The following ANKRD12 variants were observed in gnomAD, a reference collection of about 807,000 sequenced individuals.
ANKRD12 encodes the protein ankyrin repeat domain 12, also known as ankyrin repeat domain-containing protein 12.
In ANKRD12, 85 loss-of-function variants were observed where a neutral mutation model predicts 183.4. That is an observed-to-expected ratio of 0.46 (90% CI 0.39 to 0.56). ANKRD12 has a LOEUF of 0.56. Among genes scored for constraint, ANKRD12 ranks in the 20% least tolerant of loss-of-function variants. ANKRD12 has a pLI of 0.00. For missense variants in ANKRD12, 2,405 were observed against 2,357.1 expected, an observed-to-expected ratio of 1.02 and a Z score of -0.42; for synonymous variants, 914 against 800.2, an observed-to-expected ratio of 1.14 and a Z score of -2.40.
intron 2 of ANKRD12, among the ~76,000 whole-genome samples, chr18:9,194,900 C>G (rs2034681698): frequency 6.6e-6 from 1 of 152,140 alleles, no homozygotes; most frequent in Non-Finnish European, 1.5e-5. Flanking sequence ...CATTGCAGCA[C>G]TACTCACAGT....
chr18:9,208,240 TAAGG>T lies in ANKRD12; in HGVS notation c.305-413_305-410del, dbSNP rs577385656. 2.4e-4 allele frequency among the ~76,000 whole-genome samples: 36 copies of T among 152,306 alleles called. No homozygotes were observed. The East Asian group carries it at 6.4e-3, about 27-fold the overall frequency. ...AGTTTGTATAAATCATTGCTGGAATTAAGGAAGTAATTTGAAGGAGCATTGCTAT... is the reference window on the plus strand; with the variant it reads ...AGTTTGTATAAATCATTGCTGGAATTAAGTAATTTGAAGGAGCATTGCTAT... On this transcript the variant is annotated intron_variant, in intron 4 of 12. Transcript: ENST00000262126.
intron 1 of ANKRD12, among the ~76,000 whole-genome samples, chr18:9,140,915 A>G (rs1409756903): frequency 6.6e-6 from 1 of 152,206 alleles, no homozygotes; most frequent in Non-Finnish European, 1.5e-5. Flanking sequence ...AATTTTCATA[A>G]TAACCTTGTA....
chr18:9,193,897 G>C (rs1415057147), intron 2 of ANKRD12, among the ~76,000 whole-genome samples: 1 of 152,182 alleles, frequency 6.6e-6, no homozygotes, highest in African/African-American at 2.4e-5. Flanking sequence ...TAGATGTGCT[G>C]TATCAATTTG....
Position 9,187,418 on chromosome 18 carries a change from AT to A in ANKRD12, c.87+4908del, listed in dbSNP as rs971571321. ...ACCCTGCTGTCTCTATTCATTTTTAATTTTTTTTTAACAGTTCTCTTACGTA... is the reference window on the plus strand; with the variant it reads ...ACCCTGCTGTCTCTATTCATTTTTAATTTTTTTTAACAGTTCTCTTACGTA... On this transcript the variant is annotated intron_variant, in intron 2 of 12. Transcript: ENST00000262126. Among the ~76,000 whole-genome samples, 590 of 151,734 alleles carry A rather than the reference AT, an allele frequency of 3.9e-3. 3 individuals are homozygous for A. The highest frequency in any genetic ancestry group is 0.013 in the African/African-American group (543 of 41,360).
At chr18:9,159,743 A>G (rs766992153) in intron 1 of ANKRD12, among the ~76,000 whole-genome samples, 8 of 149,230 alleles carry the variant, frequency 5.4e-5, no homozygotes, top group Non-Finnish European at 1.0e-4. Context: ...CTGGCCCTTC[A>G]CCATCCATTT....
chr18:9,285,185 G>A lies in ANKRD12; in HGVS notation c.*4059G>A, dbSNP rs1390806500. ...GATCGTGCCACTGCACTCCAGCCTG[G>A]GCGACAGAGCGAGACTCCGTCTCAA... On this transcript the variant is annotated 3_prime_UTR_variant, in exon 13 of 13. Coordinates refer to ENST00000262126, the MANE Select transcript of ANKRD12 (RefSeq NM_015208.5). 13 of 151,148 alleles carry A rather than the reference G, an allele frequency of 8.6e-5. No individual in the cohort carries two copies. Among genetic ancestry groups the A allele is most frequent in the Non-Finnish European group, 1.6e-4 (11 of 67,728 alleles). 9.4% of individuals were successfully genotyped at this position (151,148 alleles called of 1,614,324 possible).
At chr18:9,275,161 C>A (rs756739434) in intron 10 of ANKRD12, among the ~76,000 whole-genome samples, 3 of 151,954 alleles carry the variant, frequency 2.0e-5, no homozygotes, top group African/African-American at 7.3e-5. Context: ...TACACACCAG[C>A]CTGGGTGACA....
In ANKRD12 at chr18:9,284,787, TTAAG is replaced by T. The variant is rs1416769156; in HGVS notation, c.*3664_*3667del. 8 of 152,088 alleles carry T rather than the reference TTAAG, an allele frequency of 5.3e-5. No homozygotes were observed. Among genetic ancestry groups the T allele is most frequent in the Non-Finnish European group, 7.4e-5 (5 of 68,018 alleles). The allele number at this position is 152,088 out of a possible 1,614,324, so 9.4% of individuals were successfully genotyped here. On this transcript the variant is annotated 3_prime_UTR_variant, in exon 13 of 13. Coordinates refer to ENST00000262126, the MANE Select transcript of ANKRD12 (RefSeq NM_015208.5). ...ATTAATCAAAATGGCTTTAAACAAA[TTAAG>T]TATTAGCATAAAAATAGCAAAAAGT...
intron 9 of ANKRD12, among the ~76,000 whole-genome samples, chr18:9,261,636 G>A (rs759699486): frequency 6.6e-6 from 1 of 152,196 alleles, no homozygotes; most frequent in Non-Finnish European, 1.5e-5. Context: ...GGTGTGAAAT[G>A]ATGACGACGA....
At position 9,281,595 on chromosome 18, in the gene ANKRD12, TAC is replaced by T. The variant is rs1021840011; in HGVS notation, c.*471_*472del. On this transcript the variant is annotated 3_prime_UTR_variant, in exon 13 of 13. Transcript: ENST00000262126. ...TCTTCAGTTTATTATCTGTAAATTG[TAC>T]AGTTTTCTTTTTGAAAGTTTTAATA... 2.0e-5 allele frequency: 3 copies of T among 152,744 alleles called. No individual in the cohort carries two copies. Among genetic ancestry groups the T allele is most frequent in the African/African-American group, 7.2e-5 (3 of 41,478 alleles). The allele number at this position is 152,744 out of a possible 1,614,324, so 9.5% of individuals were successfully genotyped here.
At chr18:9,150,188 C>A (rs1224219192) in intron 1 of ANKRD12, among the ~76,000 whole-genome samples, 1 of 152,164 alleles carries the variant, frequency 6.6e-6, no homozygotes, top group Non-Finnish European at 1.5e-5. Context: ...AAAAATGAAT[C>A]CTTTGTTTAC....
intron 1 of ANKRD12, among the ~76,000 whole-genome samples, chr18:9,173,183 C>T (rs1409431593): frequency 6.6e-6 from 1 of 151,872 alleles, no homozygotes; most frequent in East Asian, 1.9e-4. Flanking sequence ...CATTCTCATG[C>T]CTCAGCCTCC....
At chr18:9,242,137 T>G (rs1395090183) in intron 8 of ANKRD12, among the ~76,000 whole-genome samples, 1 of 152,154 alleles carries the variant, frequency 6.6e-6, no homozygotes, top group Non-Finnish European at 1.5e-5. Flanking sequence ...AATGTAAGTC[T>G]TTAAACTTTA....
At chr18:9,269,507 C>T (rs1197291878) in intron 10 of ANKRD12, among the ~76,000 whole-genome samples, 1 of 152,170 alleles carries the variant, frequency 6.6e-6, no homozygotes, top group East Asian at 1.9e-4. Flanking sequence ...CTGACAAAAA[C>T]AAACAATGGG....
chr18:9,182,254 GC>G (rs2144180372), intron 1 of ANKRD12, 127 bp from the exon 2 acceptor site: 1 of 306,428 alleles, frequency 3.3e-6, no homozygotes, highest in East Asian at 4.9e-5. Flanking sequence ...ACTTACTTTA[GC>G]TTAGGATAGC....
chr18:9,265,465 C>T (rs1043258758), intron 10 of ANKRD12, among the ~76,000 whole-genome samples: 2 of 152,158 alleles, frequency 1.3e-5, no homozygotes, highest in Admixed American at 6.6e-5. Context: ...ATTTGCTGTT[C>T]ACCAATATCT....
At chr18:9,259,721 A>G (rs571168278) in intron 9 of ANKRD12, 4 of 152,328 alleles carry the variant, frequency 2.6e-5, no homozygotes, top group African/African-American at 9.6e-5. Flanking sequence ...ACACAGCACA[A>G]TATAGTAGAA....
chr18:9,245,879 T>A (rs2037933663), intron 8 of ANKRD12, among the ~76,000 whole-genome samples: 2 of 152,332 alleles, frequency 1.3e-5, no homozygotes, highest in African/African-American at 4.8e-5. Context: ...ATTGGATGTT[T>A]ATACAGTATA....
intron 2 of ANKRD12, among the ~76,000 whole-genome samples, chr18:9,193,305 A>G (rs768693955): frequency 1.3e-5 from 2 of 151,838 alleles, no homozygotes; most frequent in Non-Finnish European, 2.9e-5. Context: ...TGCCTGGCTA[A>G]TTTTTAAATT....
Sources: gnomAD v4.1 joint callset for allele counts (sites outside exome capture counted in the v4.1 genomes callset) on GRCh38, gnomAD v4.1.1 for gene constraint, MANE v1.5 for transcripts, NCBI Gene and HGNC (gene_info 2026-07-23, HGNC 2026-07-21) for gene names.